Variants in NEURL1 observed in about 807,000 individuals in gnomAD.
NEURL1 encodes the protein neuralized E3 ubiquitin protein ligase 1, also known as E3 ubiquitin-protein ligase NEURL1.
NEURL1 carries 26 observed loss-of-function variants against 41.2 expected under a neutral mutation model. The ratio of observed to expected loss-of-function variants is 0.63; its 90% CI spans 0.46 to 0.87. The LOEUF is 0.87. NEURL1 is among the 40% of genes least tolerant of loss of function. NEURL1 has a pLI of 0.00. For missense variants in NEURL1, 761 were observed against 871.1 expected (o/e 0.87, Z 1.59); for synonymous variants, 400 against 402.3 (o/e 0.99, Z 0.07).
Position 103,577,835 on chromosome 10 carries a change from G to A in NEURL1, c.649+6013G>A, listed in dbSNP as rs565396526. ...TTCCCCGGAGGCTCCCGAGGGCTTT[G>A]TCTGGTTCAGTTATTCCTGTGCACT... On this transcript the variant is annotated intron_variant, in intron 3 of 5. Transcript: ENST00000369780. 2.0e-5 allele frequency: 3 copies of A among 152,376 alleles called. No individual in the cohort carries two copies. The South Asian group carries it at 6.2e-4, about 32-fold the overall frequency. The allele number at this position is 152,376 out of a possible 1,614,324, so 9.4% of individuals were successfully genotyped here.
chr10:103,585,262 C>G, intron 4 of NEURL1, 37 bp downstream of exon 4: 1 of 1,444,990 alleles, frequency 6.9e-7, no homozygotes, highest in East Asian at 2.6e-5. Flanking sequence ...GTATGCCTTT[C>G]CTGGAGGCGG....
At position 103,590,407 on chromosome 10, in the gene NEURL1, C is replaced by A. The variant is rs777567587; in HGVS notation, c.*35C>A. On this transcript the variant is annotated 3_prime_UTR_variant, in exon 6 of 6. Coordinates refer to ENST00000369780, the MANE Select transcript of NEURL1 (RefSeq NM_004210.5). ...GTGGCCCATCCCGCATACCCATCTTCTCGGGCTTCAGCCCAGTCCCAGCTG... is the reference window on the plus strand; with the variant it reads ...GTGGCCCATCCCGCATACCCATCTTATCGGGCTTCAGCCCAGTCCCAGCTG... The A allele has an allele frequency of 3.5e-5, 55 of 1,564,648 alleles. No homozygotes were observed. In the South Asian group the frequency reaches 5.9e-4, roughly 17 times the overall value.
intron 1 of NEURL1, among the ~76,000 whole-genome samples, chr10:103,502,428 G>C (rs3014205): frequency 6.6e-6 from 1 of 151,962 alleles, no homozygotes; most frequent in Admixed American, 6.6e-5. Flanking sequence ...CCTTCTTGCT[G>C]TGGCCTCACA....
rs559770489 is a variant in NEURL1, at chr10:103,570,509, C to T, written c.86-363C>T. ...TAAACAAACCAAGGATGGTGGAGTG[C>T]CAGTGAGTGGTGGTAGAGGGTGGTA... On this transcript the variant is annotated intron_variant, in intron 1 of 5. Coordinates refer to ENST00000369780, the MANE Select transcript of NEURL1 (RefSeq NM_004210.5). 2.0e-5 allele frequency among the ~76,000 whole-genome samples: 3 copies of T among 151,322 alleles called. No homozygotes were observed. In the East Asian group the frequency reaches 5.8e-4, roughly 29 times the overall value.
At chr10:103,520,045 G>C (rs980012437) in intron 1 of NEURL1, among the ~76,000 whole-genome samples, 7 of 152,088 alleles carry the variant, frequency 4.6e-5, no homozygotes, top group Admixed American at 2.6e-4. Flanking sequence ...CAGCCTCCCA[G>C]AGTGCTGGGA....
At chr10:103,572,436 G>T (rs1592233322) in intron 3 of NEURL1, among the ~76,000 whole-genome samples, 1 of 152,354 alleles carries the variant, frequency 6.6e-6, no homozygotes, top group South Asian at 2.1e-4. Context: ...GGAGCAGAAG[G>T]CACTGGGGGA....
In NEURL1 at chr10:103,493,806, C is replaced by A. The variant is rs1199754119; in HGVS notation, c.-582C>A. On this transcript the variant is annotated 5_prime_UTR_variant, in exon 1 of 6. Transcript: ENST00000369780. Reference sequence around the variant, plus strand: ...CGGGGGCGGCGGTCGCAGGAGGGACCCGGCGCGGGCGGGACCGCGGCGGTC... The same window carrying A: ...CGGGGGCGGCGGTCGCAGGAGGGACACGGCGCGGGCGGGACCGCGGCGGTC... Among the ~76,000 whole-genome samples, 1 of 151,896 alleles carries A rather than the reference C, an allele frequency of 6.6e-6. No individual in the cohort carries two copies. Among genetic ancestry groups the A allele is most frequent in the Non-Finnish European group, 1.5e-5 (1 of 67,942 alleles).
chr10:103,553,054 T>G (rs376851287), intron 1 of NEURL1, among the ~76,000 whole-genome samples: 1 of 152,230 alleles, frequency 6.6e-6, no homozygotes, highest in South Asian at 2.1e-4. Flanking sequence ...CAGGCTGGCA[T>G]GTGCGAGGGA....
At chr10:103,518,882 G>T (rs1471093319) in intron 1 of NEURL1, among the ~76,000 whole-genome samples, 1 of 152,172 alleles carries the variant, frequency 6.6e-6, no homozygotes, top group African/African-American at 2.4e-5. Context: ...GGAACGGGAT[G>T]CTTTTACTCC....
chr10:103,558,412 C>CT lies in NEURL1; in HGVS notation c.86-12459dup, dbSNP rs1157491705. On this transcript the variant is annotated intron_variant, in intron 1 of 5. Transcript: ENST00000369780. This position sits in a 1 kb window ranked among gnomAD's most constrained non-coding sequence, Gnocchi z 4.2. Reference sequence around the variant, plus strand: ...CTCTGTGTACCTGTGTGATGTGTCTCTAACTGTGGATTGAAGCGACTGTGT... The same window carrying CT: ...CTCTGTGTACCTGTGTGATGTGTCTCTTAACTGTGGATTGAAGCGACTGTGT... Among the ~76,000 whole-genome samples the CT allele has an allele frequency of 6.6e-6, 1 of 152,014 alleles. No homozygotes were observed. Among genetic ancestry groups the CT allele is most frequent in the Non-Finnish European group, 1.5e-5 (1 of 68,012 alleles).
intron 1 of NEURL1, among the ~76,000 whole-genome samples, chr10:103,559,840 A>ATG (rs1335338634): frequency 4.2e-5 from 6 of 143,832 alleles, no homozygotes; most frequent in Admixed American, 6.8e-5. Context: ...GCACACACAT[A>ATG]TGTGCGCACA....
rs2035146728 is a variant in NEURL1, at chr10:103,556,005, C to T, written c.86-14867C>T. Reference sequence around the variant, plus strand: ...GGGTGTGCACCTGTGCCGGCTTGTGCCTAAGCACACGGGTGTGCAAGTGAC... The same window carrying T: ...GGGTGTGCACCTGTGCCGGCTTGTGTCTAAGCACACGGGTGTGCAAGTGAC... On this transcript the variant is annotated intron_variant, in intron 1 of 5. Coordinates refer to ENST00000369780, the MANE Select transcript of NEURL1 (RefSeq NM_004210.5). This position sits in a 1 kb window ranked among gnomAD's most constrained non-coding sequence, Gnocchi z 4.4. 2.0e-5 allele frequency among the ~76,000 whole-genome samples: 3 copies of T among 152,320 alleles called. No homozygotes were observed. The South Asian group carries it at 6.2e-4, about 32-fold the overall frequency.
intron 1 of NEURL1, among the ~76,000 whole-genome samples, chr10:103,507,074 A>G (rs1227846702): frequency 6.6e-6 from 1 of 152,122 alleles, no homozygotes. Flanking sequence ...CTGCTTTCTC[A>G]TCTCAGGTCC....
At chr10:103,565,347 T>C (rs1033865787) in intron 1 of NEURL1, among the ~76,000 whole-genome samples, 1 of 152,188 alleles carries the variant, frequency 6.6e-6, no homozygotes, top group Admixed American at 6.5e-5. Flanking sequence ...TGAGGACAGC[T>C]GCTCAGGCCG....
chr10:103,515,807 T>C (rs568481505), intron 1 of NEURL1, among the ~76,000 whole-genome samples: 4 of 152,256 alleles, frequency 2.6e-5, no homozygotes, highest in African/African-American at 7.2e-5. Context: ...CTGTGGAGGA[T>C]GGAGTTAAGA....
intron 3 of NEURL1, among the ~76,000 whole-genome samples, chr10:103,575,824 A>T (rs992478535): frequency 5.9e-5 from 9 of 152,208 alleles, no homozygotes; most frequent in African/African-American, 2.2e-4. Flanking sequence ...AGGGAGAAGG[A>T]CCCGCCAGCA....
At chr10:103,550,040 G>A (rs1407474368) in intron 1 of NEURL1, among the ~76,000 whole-genome samples, 1 of 152,258 alleles carries the variant, frequency 6.6e-6, no homozygotes, top group Non-Finnish European at 1.5e-5. Context: ...CTTGGTGACT[G>A]TGACTGTGAT....
At chr10:103,547,636 CAAG>C (rs2034949756) in intron 1 of NEURL1, among the ~76,000 whole-genome samples, 1 of 152,160 alleles carries the variant, frequency 6.6e-6, no homozygotes, top group Non-Finnish European at 1.5e-5. Flanking sequence ...GGGCCTGACA[CAAG>C]AAGGAGTGGG....
chr10:103,585,926 A>C (rs2035914976), intron 4 of NEURL1, among the ~76,000 whole-genome samples: 1 of 152,052 alleles, frequency 6.6e-6, no homozygotes, highest in African/African-American at 2.4e-5. Flanking sequence ...CCTCACCTTT[A>C]AGGAAGTTTG....
Sources: allele counts gnomAD v4.1 joint callset (sites outside exome capture counted in the v4.1 genomes callset), GRCh38; gene constraint gnomAD v4.1.1; non-coding constraint Gnocchi (gnomAD v3.1); transcripts MANE v1.5; gene names NCBI Gene and HGNC (gene_info 2026-07-23, HGNC 2026-07-21).